Variants in UROC1 observed in about 807,000 individuals in gnomAD.
UROC1 encodes urocanate hydratase.
A neutral mutation model predicts 89.5 loss-of-function variants in UROC1; 79 were observed. The ratio of observed to expected loss-of-function variants is 0.88; its 90% CI spans 0.74 to 1.06. The LOEUF (loss-of-function observed/expected upper bound fraction) is 1.06. Among genes scored for constraint, UROC1 ranks in the 50% least tolerant of loss-of-function variants. The pLI is 0.00. For missense variants in UROC1, 885 were observed against 907.8 expected (o/e 0.97, Z 0.32); for synonymous variants, 361 against 354.8 (o/e 1.02, Z -0.20).
intron 18 of UROC1, among the ~76,000 whole-genome samples, chr3:126,485,882 C>A (rs1031733414): frequency 1.3e-5 from 2 of 152,098 alleles, no homozygotes; most frequent in Admixed American, 1.3e-4. Context: ...GTGGATAGAA[C>A]ACAGCCATTT....
At chr3:126,503,611 G>A (rs1576724762) in intron 9 of UROC1, among the ~76,000 whole-genome samples, 1 of 152,172 alleles carries the variant, frequency 6.6e-6, no homozygotes, top group Non-Finnish European at 1.5e-5. Context: ...GTGGCTCTGC[G>A]AGCCCACACA....
Position 126,505,830 on chromosome 3 carries a change from A to C in UROC1, c.684T>G (p.Asn228Lys). ...IVHGTVLTVL[N>K]AARRYLGIED... ...CGATGCCCAGGTACCGACGTGCAGC[A>C]TTCAACACGGTGAGCTGCAGGGAGA... Residue 228 changes from asparagine (N) to lysine (K), a missense_variant, in exon 8 of 20, where the codon AAT (asparagine) becomes AAG (lysine). Physicochemically the swap from Asn to Lys is moderately conservative, Grantham distance 94. Transcript: ENST00000290868. The C allele has an allele frequency of 6.2e-7, 1 of 1,613,822 alleles. No homozygotes were observed. The highest frequency in any genetic ancestry group is 8.5e-7 in the Non-Finnish European group (1 of 1,180,036).
Position 126,482,080 on chromosome 3 carries a change from C to T in UROC1, c.*265G>A, listed in dbSNP as rs954758769. ...GCAGGGCCCCCGGGCAGGCTTGGGA[C>T]TTGGCCCTAAATGGACTTTGACAGC... On this transcript the variant is annotated 3_prime_UTR_variant, in exon 20 of 20. Coordinates refer to ENST00000290868, the MANE Select transcript of UROC1 (RefSeq NM_144639.3). 7.3e-6 allele frequency: 4 copies of T among 544,298 alleles called. No individual in the cohort carries two copies. Among genetic ancestry groups the T allele is most frequent in the Non-Finnish European group, 9.9e-6 (3 of 304,250 alleles). 33.7% of individuals were successfully genotyped at this position (544,298 alleles called of 1,614,324 possible).
At chr3:126,488,875 C>A (rs73862713) in intron 17 of UROC1, among the ~76,000 whole-genome samples, 21,786 of 152,202 alleles carry the variant, frequency 0.14, 2,265 homozygotes, top group African/African-American at 0.29. Flanking sequence ...CAGGCTCTTC[C>A]CCCAAAAATC....
intron 1 of UROC1, among the ~76,000 whole-genome samples, chr3:126,512,680 G>A (rs1338949837): frequency 1.3e-5 from 2 of 152,140 alleles, no homozygotes; most frequent in African/African-American, 2.4e-5. Flanking sequence ...CTATGATCAC[G>A]TTGCTGCACT....
intron 8 of UROC1, 40 bp from the exon 9 acceptor site, chr3:126,504,123 C>T (rs750919554): frequency 6.2e-7 from 1 of 1,605,722 alleles, no homozygotes; most frequent in Admixed American, 1.7e-5. Flanking sequence ...CATGGGGCCA[C>T]CCGGTTACAA....
rs755738291 is a variant in UROC1, at chr3:126,483,386, A to C, written c.1873T>G (p.Trp625Gly). Residue 625 changes from tryptophan to glycine, a missense_variant, in exon 19 of 20, where the codon TGG becomes GGG. Coordinates refer to ENST00000290868, the MANE Select transcript of UROC1 (RefSeq NM_144639.3). Reference protein sequence around the residue: ...AEGRARLMLSWDVSNGVARRC... With the variant: ...AEGRARLMLSGDVSNGVARRC... ...TGACTTACACCATTGGAGACATCCC[A>C]GCTGAGCATCAGCCTGGCTCTCCCC... 9.9e-6 allele frequency: 16 copies of C among 1,613,340 alleles called. No homozygotes were observed. The highest frequency in any genetic ancestry group is 8.3e-5 in the Admixed American group (5 of 60,010).
intron 14 of UROC1, 149 bp from the exon 15 acceptor site, chr3:126,496,257 C>A: frequency 1.4e-6 from 1 of 732,462 alleles, no homozygotes; most frequent in Non-Finnish European, 2.4e-6. Context: ...CCCACCCCTG[C>A]CTTTGTGAAC....
At chr3:126,500,311 C>T (rs1935888176) in intron 11 of UROC1, among the ~76,000 whole-genome samples, 157 bp from the exon 12 acceptor site, 1 of 152,216 alleles carries the variant, frequency 6.6e-6, no homozygotes, top group South Asian at 2.1e-4. Context: ...CTGGAATGCC[C>T]CTGCCCCTGT....
rs367668749 is a variant in UROC1 at position 126,508,486 on chromosome 3, C to T, written c.352-11G>A. 1.2e-6 allele frequency: 2 copies of T among 1,612,444 alleles called. No homozygotes were observed. Among genetic ancestry groups the T allele is most frequent in the African/African-American group, 1.3e-5 (1 of 74,886 alleles). ...CAGCTCCTGGGGAAACTGAGGAAGA[C>T]ACGGGGTCATCTGAGATGAGGGCCT... On this transcript the variant is annotated splice_polypyrimidine_tract_variant and intron_variant, in intron 3 of 19. Coordinates refer to ENST00000290868, the MANE Select transcript of UROC1 (RefSeq NM_144639.3).
chr3:126,511,701 G>T (rs1191946640), intron 1 of UROC1, among the ~76,000 whole-genome samples: 1 of 152,244 alleles, frequency 6.6e-6, no homozygotes, highest in Non-Finnish European at 1.5e-5. Context: ...AAATGTGTAA[G>T]AAGCTCAATC....
chr3:126,495,784 C>T (rs540433576), intron 15 of UROC1, among the ~76,000 whole-genome samples: 245 of 152,334 alleles, frequency 1.6e-3, no homozygotes, highest in African/African-American at 4.4e-3. Flanking sequence ...CCAAATTCTC[C>T]GTGTCCTCTC....
chr3:126,508,160 C>A, intron 4 of UROC1, 65 bp from the exon 5 acceptor site: 1 of 1,611,684 alleles, frequency 6.2e-7, no homozygotes, highest in Middle Eastern at 1.9e-4. Context: ...CAGCCCCACA[C>A]CACCGTCCAC....
chr3:126,508,480 G>A lies in UROC1; in HGVS notation c.352-5C>T, dbSNP rs1311892329. The A allele has an allele frequency of 6.2e-7, 1 of 1,613,016 alleles. No homozygotes were observed. Among genetic ancestry groups the A allele is most frequent in the African/African-American group, 1.3e-5 (1 of 75,030 alleles). On this transcript the variant is annotated splice_region_variant and splice_polypyrimidine_tract_variant and intron_variant, in intron 3 of 19. Transcript: ENST00000290868. Reference sequence around the variant, plus strand: ...GGTCACCAGCTCCTGGGGAAACTGAGGAAGACACGGGGTCATCTGAGATGA... The same window carrying A: ...GGTCACCAGCTCCTGGGGAAACTGAAGAAGACACGGGGTCATCTGAGATGA...
In UROC1 at chr3:126,492,404, A is replaced by G; in HGVS notation, c.1608+14T>C. Reference sequence around the variant, plus strand: ...GGCTGAGGGATGCTTCCCCCAGAGCACAGGACACCTCACCTTGATCCTCCT... The same window carrying G: ...GGCTGAGGGATGCTTCCCCCAGAGCGCAGGACACCTCACCTTGATCCTCCT... On this transcript the variant is annotated intron_variant, in intron 16 of 19. Transcript: ENST00000290868. The G allele has an allele frequency of 6.2e-7, 1 of 1,611,748 alleles. No homozygotes were observed. Among genetic ancestry groups the G allele is most frequent in the Non-Finnish European group, 8.5e-7 (1 of 1,178,706 alleles).
chr3:126,504,089 G>A lies in UROC1; in HGVS notation c.814-6C>T. Reference sequence around the variant, plus strand: ...TCAAGGGCTGCTTTATCCACCTGGGGCCATGAGACATGGGGCCACGAGACA... The same window carrying A: ...TCAAGGGCTGCTTTATCCACCTGGGACCATGAGACATGGGGCCACGAGACA... On this transcript the variant is annotated splice_region_variant and splice_polypyrimidine_tract_variant and intron_variant, in intron 8 of 19. Coordinates refer to ENST00000290868, the MANE Select transcript of UROC1 (RefSeq NM_144639.3). 6.2e-7 allele frequency: 1 copy of A among 1,613,932 alleles called. No individual in the cohort carries two copies. The highest frequency in any genetic ancestry group is 8.5e-7 in the Non-Finnish European group (1 of 1,179,986).
intron 9 of UROC1, among the ~76,000 whole-genome samples, chr3:126,502,465 G>A (rs891556102): frequency 2.0e-5 from 3 of 152,018 alleles, no homozygotes; most frequent in South Asian, 4.1e-4. Flanking sequence ...TGTGTTGTGT[G>A]TGCATGTGTG....
chr3:126,500,045 C>T lies in UROC1; in HGVS notation c.1243+12G>A, dbSNP rs200398060. ...TGGCCCCTCCCTCCTCCTCCCTCCT[C>T]CTTCCTCCTACCTGCTCTCTGGGCC... On this transcript the variant is annotated intron_variant, in intron 12 of 19. Coordinates refer to ENST00000290868, the MANE Select transcript of UROC1 (RefSeq NM_144639.3). The T allele has an allele frequency of 1.4e-4, 233 of 1,611,762 alleles. 1 individual carries two copies. The highest frequency in any genetic ancestry group is 1.7e-4 in the Non-Finnish European group (206 of 1,179,640).
At chr3:126,500,616 G>A (rs1935895546) in intron 11 of UROC1, 79 bp downstream of exon 11, 3 of 1,577,346 alleles carry the variant, frequency 1.9e-6, no homozygotes, top group Non-Finnish European at 2.6e-6. Context: ...GGTTGCTGGA[G>A]AACTAGGTGG....
Sources: gnomAD v4.1 joint callset for allele counts (sites outside exome capture counted in the v4.1 genomes callset) on GRCh38, gnomAD v4.1.1 for gene constraint, MANE v1.5 for transcripts, NCBI Gene and HGNC (gene_info 2026-07-23, HGNC 2026-07-21) for gene names.